Variants in HIPK3 observed in about 807,000 individuals in gnomAD.
HIPK3 encodes the protein homeodomain interacting protein kinase 3.
Under a neutral mutation model 124.2 loss-of-function variants are expected in HIPK3, and 47 were observed. That is an observed-to-expected ratio of 0.38 (90% CI 0.30 to 0.48). HIPK3 has a LOEUF of 0.48. HIPK3 is among the 20% of genes least tolerant of loss of function. The pLI, the probability that HIPK3 is intolerant of heterozygous loss-of-function variation, is 0.98. For synonymous variants in HIPK3, 482 were observed against 515.2 expected (o/e 0.94, Z 0.87); for missense variants, 1,286 against 1,454.3 (o/e 0.88, Z 1.88).
intron 1 of HIPK3, among the ~76,000 whole-genome samples, chr11:33,259,030 A>C (rs1210574002): frequency 6.6e-6 from 1 of 152,164 alleles, no homozygotes; most frequent in Non-Finnish European, 1.5e-5. Flanking sequence ...CTGGCAAACC[A>C]GTCTGCGTGT....
intron 1 of HIPK3, among the ~76,000 whole-genome samples, chr11:33,268,565 T>C (rs1286935684): frequency 7.3e-6 from 1 of 137,320 alleles, no homozygotes; most frequent in African/African-American, 2.8e-5. Flanking sequence ...CATTGCACCT[T>C]GGACAACAGA....
intron 2 of HIPK3, among the ~76,000 whole-genome samples, chr11:33,324,467 C>T (rs1056221864): frequency 2.6e-5 from 4 of 152,106 alleles, no homozygotes; most frequent in South Asian, 2.1e-4. Flanking sequence ...TGATAGATAA[C>T]GTATTGTGAA....
intron 6 of HIPK3, among the ~76,000 whole-genome samples, chr11:33,340,601 C>T (rs1853302396): frequency 6.6e-6 from 1 of 152,148 alleles, no homozygotes; most frequent in Non-Finnish European, 1.5e-5. Context: ...TTTTCATATA[C>T]AGTCACTTTG....
At chr11:33,290,313 C>T (rs1304780401) in intron 2 of HIPK3, among the ~76,000 whole-genome samples, 1 of 151,942 alleles carries the variant, frequency 6.6e-6, no homozygotes, top group Non-Finnish European at 1.5e-5. Flanking sequence ...TATCTGTGCT[C>T]CGCAAAAGAT....
chr11:33,328,263 T>C (rs1273413613), intron 2 of HIPK3, among the ~76,000 whole-genome samples: 1 of 152,220 alleles, frequency 6.6e-6, no homozygotes, highest in Non-Finnish European at 1.5e-5. Context: ...AATGTTATGT[T>C]AGTAAAACTA....
rs147787587 is a variant in HIPK3 at position 33,300,631 on chromosome 11, C to T, written c.1097+13120C>T. Among the ~76,000 whole-genome samples, 58 of 152,260 alleles carry T rather than the reference C, an allele frequency of 3.8e-4. No homozygotes were observed. The East Asian group carries it at 0.011, about 28-fold the overall frequency. On this transcript the variant is annotated intron_variant, in intron 2 of 16. Transcript: ENST00000303296. Reference sequence around the variant, plus strand: ...GAAACCAAAAAATTTGTGTGACTCACCTTATTGGGGTATTTGCTTTATTGT... The same window carrying T: ...GAAACCAAAAAATTTGTGTGACTCATCTTATTGGGGTATTTGCTTTATTGT...
intron 2 of HIPK3, among the ~76,000 whole-genome samples, chr11:33,295,885 GTAAT>G (rs1851831535): frequency 6.6e-6 from 1 of 152,072 alleles, no homozygotes. Flanking sequence ...TTTTTTCTTT[GTAAT>G]TAATAAGTAC....
chr11:33,287,870 G>T (rs1202464255), intron 2 of HIPK3, among the ~76,000 whole-genome samples: 2 of 152,306 alleles, frequency 1.3e-5, no homozygotes, highest in East Asian at 1.9e-4. Context: ...GCACTTGAGA[G>T]AAATAGTTTA....
chr11:33,311,975 T>TACACACACACAC (rs71034672), intron 2 of HIPK3, among the ~76,000 whole-genome samples: 7,661 of 136,866 alleles, frequency 0.056, 326 homozygotes, highest in African/African-American at 0.088. Context: ...ACCCTGTTTC[T>TACACACACACAC]ACACACACAC....
intron 2 of HIPK3, among the ~76,000 whole-genome samples, chr11:33,318,463 A>ACACAG (rs1852569751): frequency 2.0e-5 from 3 of 152,174 alleles, no homozygotes; most frequent in Non-Finnish European, 4.4e-5. Context: ...TATACCTCTT[A>ACACAG]CTAGCTGTGT....
intron 4 of HIPK3, among the ~76,000 whole-genome samples, chr11:33,338,391 A>G (rs1204956261): frequency 1.3e-5 from 2 of 152,018 alleles, no homozygotes; most frequent in Non-Finnish European, 2.9e-5. Flanking sequence ...GCGCCACCAC[A>G]CGCAGCTGAT....
chr11:33,336,821 A>G (rs780882477), intron 3 of HIPK3, among the ~76,000 whole-genome samples: 6 of 152,202 alleles, frequency 3.9e-5, no homozygotes, highest in Non-Finnish European at 7.4e-5. Context: ...ACCAAACTTG[A>G]GGACCACCTC....
intron 2 of HIPK3, among the ~76,000 whole-genome samples, chr11:33,299,707 A>G (rs765480606): frequency 6.6e-6 from 1 of 152,114 alleles, no homozygotes; most frequent in Admixed American, 6.6e-5. Context: ...GAGCAAATCA[A>G]TGTGGCAAAC....
rs1267208633 is a variant in HIPK3, at chr11:33,273,102, C to CCGACT, written c.-2-13310_-2-13306dup. Reference sequence around the variant, plus strand: ...TCCTGCCTACGCCTCCCTATTGTTTCCGACTTGATACCAGAGAGTTTCCTG... The same window carrying CCGACT: ...TCCTGCCTACGCCTCCCTATTGTTTCCGACTCGACTTGATACCAGAGAGTTTCCTG... On this transcript the variant is annotated intron_variant, in intron 1 of 16. Transcript: ENST00000303296. 3.3e-5 allele frequency among the ~76,000 whole-genome samples: 5 copies of CCGACT among 151,878 alleles called. No individual in the cohort carries two copies. The East Asian group carries it at 9.7e-4, about 29-fold the overall frequency.
intron 2 of HIPK3, among the ~76,000 whole-genome samples, chr11:33,317,274 A>ATTTTTTTTTTTTTTT (rs3028961): frequency 9.8e-6 from 1 of 102,220 alleles, no homozygotes; most frequent in Admixed American, 1.2e-4. Flanking sequence ...GCCTGGCCCT[A>ATTTTTTTTTTTTTTT]TTTTTTTTTT....
intron 2 of HIPK3, among the ~76,000 whole-genome samples, chr11:33,290,598 C>A (rs1435514807): frequency 7.0e-6 from 1 of 142,430 alleles, no homozygotes; most frequent in African/African-American, 2.6e-5. Context: ...ACCTCATTTT[C>A]TTTATTTGAA....
chr11:33,318,520 A>G (rs922690319), intron 2 of HIPK3, among the ~76,000 whole-genome samples: 12 of 152,214 alleles, frequency 7.9e-5, no homozygotes, highest in Admixed American at 1.3e-4. Flanking sequence ...TCATCTATTA[A>G]AAGTTTTTAT....
At chr11:33,333,860 A>G (rs754363537) in intron 3 of HIPK3, among the ~76,000 whole-genome samples, 2 of 152,212 alleles carry the variant, frequency 1.3e-5, no homozygotes, top group Non-Finnish European at 2.9e-5. Context: ...GATTGGCACC[A>G]TATTTATCTA....
At chr11:33,352,065 A>G in intron 15 of HIPK3, 73 bp from the exon 16 acceptor site, 2 of 1,433,246 alleles carry the variant, frequency 1.4e-6, no homozygotes, top group East Asian at 2.3e-5. Context: ...TGTGTAAAAT[A>G]TCTAAAGACT....
Sources: gnomAD v4.1 joint callset for allele counts (sites outside exome capture counted in the v4.1 genomes callset) on GRCh38, gnomAD v4.1.1 for gene constraint, MANE v1.5 for transcripts, NCBI Gene and HGNC (gene_info 2026-07-23, HGNC 2026-07-21) for gene names.